IL22RA2: variants seen among roughly 807,000 people sequenced by gnomAD.
IL22RA2 encodes the protein interleukin 22 receptor subunit alpha 2.
Under a neutral mutation model 30.7 loss-of-function variants are expected in IL22RA2, and 39 were observed. The observed-to-expected ratio is 1.27, with a 90% CI of 0.98 to 1.66. IL22RA2 has a LOEUF of 1.66. Ranked by LOEUF, IL22RA2 falls within the 40% of genes most tolerant of loss-of-function variation. The pLI is 0.00. For synonymous variants in IL22RA2, 103 were observed against 105.0 expected, an observed-to-expected ratio of 0.98 and a Z score of 0.11; for missense variants, 315 against 312.7, an observed-to-expected ratio of 1.01 and a Z score of -0.05.
At chr6:137,156,029 C>G (rs1778398394) in intron 4 of IL22RA2, among the ~76,000 whole-genome samples, 1 of 152,134 alleles carries the variant, frequency 6.6e-6, no homozygotes, top group African/African-American at 2.4e-5. Flanking sequence ...CATGATTAAT[C>G]TCTTTATTGA....
intron 4 of IL22RA2, 56 bp downstream of exon 4, chr6:137,156,703 A>G: frequency 6.3e-7 from 1 of 1,582,170 alleles, no homozygotes; most frequent in Non-Finnish European, 8.7e-7. Flanking sequence ...GGTCCATTTA[A>G]TGTTTCTATA....
chr6:137,161,808 G>C lies in IL22RA2; in HGVS notation c.-59C>G. On this transcript the variant is annotated 5_prime_UTR_variant, in exon 2 of 7. Transcript: ENST00000296980. ...TCCTTTTAACCAGCTCAGGACCAAA[G>C]AGGAAACTGTAAAATCCACAAACAG... 1 of 1,379,694 alleles carries C rather than the reference G, an allele frequency of 7.2e-7. No homozygotes were observed. The highest frequency in any genetic ancestry group is 1.0e-6 in the Non-Finnish European group (1 of 976,598). The allele number at this position is 1,379,694 out of a possible 1,614,324, so 85.5% of individuals were successfully genotyped here.
chr6:137,156,912 CCTGGCT>C, intron 3 of IL22RA2, 58 bp from the exon 4 acceptor site: 1 of 1,575,760 alleles, frequency 6.3e-7, no homozygotes, highest in South Asian at 1.1e-5. Flanking sequence ...CAAGGGGCAT[CCTGGCT>C]TTACAACAAC....
chr6:137,145,886 G>A, intron 6 of IL22RA2, 113 bp from the exon 7 acceptor site: 1 of 1,104,876 alleles, frequency 9.1e-7, no homozygotes, highest in Non-Finnish European at 1.3e-6. Flanking sequence ...TGGGTTGTGG[G>A]GTTTCTTCCC....
chr6:137,167,022 G>A (rs529765762), intron 1 of IL22RA2, among the ~76,000 whole-genome samples: 1 of 152,314 alleles, frequency 6.6e-6, no homozygotes, highest in African/African-American at 2.4e-5. Flanking sequence ...TTCTCAGGGT[G>A]GGTTGAGGCA....
At chr6:137,161,391 A>G (rs1257007029) in intron 2 of IL22RA2, among the ~76,000 whole-genome samples, 1 of 152,110 alleles carries the variant, frequency 6.6e-6, no homozygotes, top group African/African-American at 2.4e-5. Flanking sequence ...AGAGAGGGAG[A>G]GAAAGAAAGA....
At position 137,145,478 on chromosome 6, in the gene IL22RA2, T is replaced by G. The variant is rs1353300763; in HGVS notation, c.*146A>C. Reference sequence around the variant, plus strand: ...GAAATATAAAGGATAAAAGAATGGATAAACAAAGAAGTCCCCAAGGTGTAA... The same window carrying G: ...GAAATATAAAGGATAAAAGAATGGAGAAACAAAGAAGTCCCCAAGGTGTAA... On this transcript the variant is annotated 3_prime_UTR_variant, in exon 7 of 7. Transcript: ENST00000296980. 3.1e-6 allele frequency: 2 copies of G among 636,256 alleles called. No homozygotes were observed. The highest frequency in any genetic ancestry group is 5.1e-6 in the Non-Finnish European group (2 of 395,724). 39.4% of individuals were successfully genotyped at this position (636,256 alleles called of 1,614,324 possible). A position where few individuals can be genotyped will look rare whatever the true frequency, so the allele number is the denominator to read the frequency against.
At chr6:137,150,417 C>G (rs1349163111) in intron 5 of IL22RA2, among the ~76,000 whole-genome samples, 1 of 151,666 alleles carries the variant, frequency 6.6e-6, no homozygotes, top group Non-Finnish European at 1.5e-5. Flanking sequence ...CTAAGAGGCC[C>G]CGAAATAAAA....
At chr6:137,170,493 A>G (rs890826738) in intron 1 of IL22RA2, among the ~76,000 whole-genome samples, 3 of 152,198 alleles carry the variant, frequency 2.0e-5, no homozygotes, top group African/African-American at 7.2e-5. Flanking sequence ...CACAAGACTG[A>G]TAAGTTTAGG....
At chr6:137,161,907 A>T (rs1408858531) in intron 1 of IL22RA2, 93 bp from the exon 2 acceptor site, 32 of 480,986 alleles carry the variant, frequency 6.7e-5, no homozygotes, top group Non-Finnish European at 6.9e-5. Flanking sequence ...ACATTATATT[A>T]TTTTATTTTA....
At chr6:137,156,686 C>A in intron 4 of IL22RA2, 73 bp downstream of exon 4, 4 of 1,559,146 alleles carry the variant, frequency 2.6e-6, no homozygotes, top group Non-Finnish European at 3.5e-6. Flanking sequence ...GAAATTTATA[C>A]AATCTTGGTC....
intron 2 of IL22RA2, among the ~76,000 whole-genome samples, chr6:137,159,654 T>TCATCTTCTGTCACCCCGACCC (rs1193666408): frequency 1.4e-4 from 22 of 152,126 alleles, no homozygotes; most frequent in Admixed American, 1.4e-3. Context: ...CTCCCTGACC[T>TCATCTTCTGTCACCCCGACCC]CATCTTCTGT....
In IL22RA2 at chr6:137,145,560, A is replaced by G; in HGVS notation, c.*64T>C. The G allele has an allele frequency of 6.9e-7, 1 of 1,443,224 alleles. No individual in the cohort carries two copies. The highest frequency in any genetic ancestry group is 1.3e-5 in the South Asian group (1 of 75,426). The allele number at this position is 1,443,224 out of a possible 1,614,324, so 89.4% of individuals were successfully genotyped here. On this transcript the variant is annotated 3_prime_UTR_variant, in exon 7 of 7. Transcript: ENST00000296980. ...CAATTTTAAATAAGATCCTTCAAAC[A>G]CGAGTCATCCTGTTCTCAGGGAGCT...
At chr6:137,167,102 C>T (rs187624603) in intron 1 of IL22RA2, among the ~76,000 whole-genome samples, 142 of 152,328 alleles carry the variant, frequency 9.3e-4, no homozygotes, top group East Asian at 6.9e-3. Flanking sequence ...TCCTAGATTT[C>T]GACTGCCTCT....
chr6:137,158,591 C>G (rs1778458458), intron 2 of IL22RA2, 109 bp from the exon 3 acceptor site: 1 of 1,139,340 alleles, frequency 8.8e-7, no homozygotes, highest in Non-Finnish European at 1.3e-6. Flanking sequence ...AGTAGTTGCT[C>G]TAAGTGCAGA....
At position 137,161,766 on chromosome 6, in the gene IL22RA2, G is replaced by A; in HGVS notation, c.-17C>T. 1 of 1,609,048 alleles carries A rather than the reference G, an allele frequency of 6.2e-7. No individual in the cohort carries two copies. The highest frequency in any genetic ancestry group is 8.5e-7 in the Non-Finnish European group (1 of 1,176,076). ...AGGCATCATGGTTGCAAGTGTGACT[G>A]TTCAGGCAACCAGTGTTCCTTTTAA... On this transcript the variant is annotated 5_prime_UTR_variant, in exon 2 of 7. Coordinates refer to ENST00000296980, the MANE Select transcript of IL22RA2 (RefSeq NM_052962.3).
chr6:137,169,976 G>T (rs571942348), intron 1 of IL22RA2, among the ~76,000 whole-genome samples: 92 of 152,332 alleles, frequency 6.0e-4, no homozygotes, highest in African/African-American at 2.2e-3. Context: ...CTCTTTGGAG[G>T]ACGGTTTTCA....
At position 137,156,171 on chromosome 6, in the gene IL22RA2, G is replaced by A. The variant is rs530227835; in HGVS notation, c.293+588C>T. Among the ~76,000 whole-genome samples, 4 of 152,328 alleles carry A rather than the reference G, an allele frequency of 2.6e-5. No individual in the cohort carries two copies. In the South Asian group the frequency reaches 8.3e-4, roughly 32 times the overall value. On this transcript the variant is annotated intron_variant, in intron 4 of 6. Transcript: ENST00000296980. ...GTGGTTGACTCAGCCTGAGGCCACA[G>A]GATGGTGTAATAGTCAAAGGGAAGA...
chr6:137,151,561 C>T (rs1389814962), intron 5 of IL22RA2, among the ~76,000 whole-genome samples: 1 of 152,150 alleles, frequency 6.6e-6, no homozygotes, highest in Admixed American at 6.5e-5. Context: ...AATTGGATTT[C>T]ATCCAAGTTT....
Sources: gnomAD v4.1 joint callset for allele counts (sites outside exome capture counted in the v4.1 genomes callset) on GRCh38, gnomAD v4.1.1 for gene constraint, MANE v1.5 for transcripts, NCBI Gene and HGNC (gene_info 2026-07-23, HGNC 2026-07-21) for gene names.